The following MANBA variants were observed in gnomAD, a reference collection of about 807,000 sequenced individuals.
MANBA encodes beta-mannosidase.
In MANBA, 83 loss-of-function variants were observed where a neutral mutation model predicts 111.1. The observed-to-expected ratio is 0.75, with a 90% CI of 0.63 to 0.90. MANBA has a LOEUF of 0.90. Among genes scored for constraint, MANBA ranks in the 40% least tolerant of loss-of-function variants. The pLI is 0.00. For synonymous variants in MANBA, 370 were observed against 378.7 expected, an observed-to-expected ratio of 0.98 and a Z score of 0.27; for missense variants, 1,036 against 1,069.0, an observed-to-expected ratio of 0.97 and a Z score of 0.43.
At chr4:102,665,845 G>A (rs530002359) in intron 10 of MANBA, 4 of 152,330 alleles carry the variant, frequency 2.6e-5, no homozygotes, top group Non-Finnish European at 5.9e-5. Flanking sequence ...TGATTACACT[G>A]ATTGCCCCCC....
chr4:102,714,483 A>G lies in MANBA; in HGVS notation c.628T>C (p.Tyr210His), dbSNP rs746145624. 2 of 1,604,438 alleles carry G rather than the reference A, an allele frequency of 1.2e-6. No homozygotes were observed. Among genetic ancestry groups the G allele is most frequent in the Non-Finnish European group, 8.5e-7 (1 of 1,171,350 alleles). Residue 210 changes from tyrosine (Y) to histidine (H), a missense_variant, in exon 5 of 17, where the codon TAT becomes CAT. Coordinates refer to ENST00000647097, the MANE Select transcript of MANBA (RefSeq NM_005908.4). ...GIWKDVRIEAYNICHLNYFTF... is the reference protein window; with the variant it reads ...GIWKDVRIEAHNICHLNYFTF... ...AAGTAGTTCAGGTGACAAATATTATAGGCTTCAATTCTAACATCTTTCCAG... is the reference window on the plus strand; with the variant it reads ...AAGTAGTTCAGGTGACAAATATTATGGGCTTCAATTCTAACATCTTTCCAG...
intron 4 of MANBA, among the ~76,000 whole-genome samples, chr4:102,715,039 G>GC (rs1466408966): frequency 6.6e-6 from 1 of 152,120 alleles, no homozygotes; most frequent in Non-Finnish European, 1.5e-5. Context: ...AACTGTGTGT[G>GC]CCCCCCAACC....
intron 1 of MANBA, among the ~76,000 whole-genome samples, chr4:102,758,455 A>G (rs1164043121): frequency 6.6e-6 from 1 of 152,232 alleles, no homozygotes; most frequent in East Asian, 1.9e-4. Flanking sequence ...GTCAACACCA[A>G]AAAGGGATGT....
intron 1 of MANBA, among the ~76,000 whole-genome samples, chr4:102,755,289 C>T (rs1266053868): frequency 6.6e-6 from 1 of 152,128 alleles, no homozygotes; most frequent in Non-Finnish European, 1.5e-5. Flanking sequence ...ACCAATGGAA[C>T]AGAACAGAGC....
rs75642702 is a variant in MANBA, at chr4:102,689,439, C to A, written c.960+135G>T. 1.8e-3 allele frequency: 996 copies of A among 563,330 alleles called. 18 individuals carry two copies. The East Asian group carries it at 0.029, about 16-fold the overall frequency. 34.9% of individuals were successfully genotyped at this position (563,330 alleles called of 1,614,324 possible). A position where few individuals can be genotyped will look rare whatever the true frequency, so the allele number is the denominator to read the frequency against. ...ACACAGAGAGAGAAGCTTTTGAATGCTGTTACTAAAGATGATCTCTGATGG... is the reference window on the plus strand; with the variant it reads ...ACACAGAGAGAGAAGCTTTTGAATGATGTTACTAAAGATGATCTCTGATGG... On this transcript the variant is annotated intron_variant, in intron 7 of 16. Transcript: ENST00000647097.
chr4:102,649,191 T>C (rs896504496), intron 13 of MANBA, among the ~76,000 whole-genome samples: 1 of 152,190 alleles, frequency 6.6e-6, no homozygotes, highest in Non-Finnish European at 1.5e-5. Flanking sequence ...TTTGGGGCTA[T>C]TGTGAATAAT....
chr4:102,730,867 C>T (rs1466525826), intron 1 of MANBA: 1 of 346,302 alleles, frequency 2.9e-6, no homozygotes, highest in Non-Finnish European at 5.7e-6. Flanking sequence ...AACAGCCTAC[C>T]CGCTTCCCGT....
chr4:102,638,013 C>G (rs1002129604), intron 14 of MANBA, among the ~76,000 whole-genome samples: 2 of 152,190 alleles, frequency 1.3e-5, no homozygotes, highest in Non-Finnish European at 2.9e-5. Flanking sequence ...TTGGAGGGCA[C>G]TCGCATGGTG....
At position 102,727,389 on chromosome 4, in the gene MANBA, C is replaced by A. The variant is rs1343921693; in HGVS notation, c.178-706G>T. The stretch of plus-strand genomic sequence containing the variant: ...GGACATCTTTACTTCTTGCTGCTCA[C>A]TGATGAATCAGGAGGCCTGTCCTGG... On this transcript the variant is annotated intron_variant, in intron 1 of 16. Coordinates refer to ENST00000647097, the MANE Select transcript of MANBA (RefSeq NM_005908.4). The A allele has an allele frequency of 1.8e-5, 15 of 854,336 alleles. No homozygotes were observed. In the Admixed American group the frequency reaches 2.6e-4, roughly 15 times the overall value. 52.9% of individuals were successfully genotyped at this position (854,336 alleles called of 1,614,324 possible).
At chr4:102,725,423 T>G (rs576343800) in intron 2 of MANBA, among the ~76,000 whole-genome samples, 1 of 152,100 alleles carries the variant, frequency 6.6e-6, no homozygotes, top group South Asian at 2.1e-4. Context: ...TCGACTCATA[T>G]GTGTAATTTG....
chr4:102,642,788 C>G (rs939952947), intron 13 of MANBA, among the ~76,000 whole-genome samples: 1 of 152,114 alleles, frequency 6.6e-6, no homozygotes, highest in Non-Finnish European at 1.5e-5. Flanking sequence ...ACCAATATCC[C>G]TTTCCTCCAG....
chr4:102,728,267 T>C (rs1289997653), intron 1 of MANBA: 33 of 536,334 alleles, frequency 6.2e-5, no homozygotes, highest in Non-Finnish European at 1.2e-4. Flanking sequence ...GGCACCCTGT[T>C]CCTTCCTGTT....
intron 10 of MANBA, 189 bp downstream of exon 10, chr4:102,668,774 G>A (rs1731343560): frequency 3.4e-6 from 2 of 583,166 alleles, no homozygotes; most frequent in Admixed American, 5.3e-5. Context: ...AAATCTGGGA[G>A]TCATCAGCCA....
At chr4:102,697,746 C>G (rs906194049) in intron 5 of MANBA, among the ~76,000 whole-genome samples, 2 of 151,080 alleles carry the variant, frequency 1.3e-5, no homozygotes, top group Non-Finnish European at 3.0e-5. Context: ...TTTTCTTAAT[C>G]CAGTCTATCA....
chr4:102,713,896 CAAAAAAAA>C (rs987115592), intron 5 of MANBA, among the ~76,000 whole-genome samples: 1 of 68,438 alleles, frequency 1.5e-5, no homozygotes, highest in East Asian at 4.3e-4. Flanking sequence ...AACTCCATCT[CAAAAAAAA>C]AAAAAAAAAA....
intron 3 of MANBA, among the ~76,000 whole-genome samples, chr4:102,723,595 G>A (rs1310662357): frequency 6.6e-6 from 1 of 152,182 alleles, no homozygotes; most frequent in Non-Finnish European, 1.5e-5. Flanking sequence ...GGAGGGATTG[G>A]CATGTTTTGA....
At position 102,690,791 on chromosome 4, in the gene MANBA, AG is replaced by A; in HGVS notation, c.674-21del. 1 of 946,956 alleles carries A rather than the reference AG, an allele frequency of 1.1e-6. No homozygotes were observed. The highest frequency in any genetic ancestry group is 2.1e-5 in the South Asian group (1 of 47,670). The allele number at this position is 946,956 out of a possible 1,614,324, so 58.7% of individuals were successfully genotyped here. A position where few individuals can be genotyped will look rare whatever the true frequency, so the allele number is the denominator to read the frequency against. ...TCTTATCTAAAATATAAAAAGAAAAAGAAATATATATATATATATATAATAT... is the reference window on the plus strand; with the variant it reads ...TCTTATCTAAAATATAAAAAGAAAAAAAATATATATATATATATATAATAT... On this transcript the variant is annotated intron_variant, in intron 5 of 16. Transcript: ENST00000647097.
chr4:102,750,206 A>C (rs187953053), intron 1 of MANBA, among the ~76,000 whole-genome samples: 77 of 152,262 alleles, frequency 5.1e-4, no homozygotes, highest in Admixed American at 3.2e-3. Flanking sequence ...AGTCAGTCAA[A>C]CTTTTAGAAG....
intron 11 of MANBA, among the ~76,000 whole-genome samples, chr4:102,662,417 G>A (rs373409918): frequency 1.5e-3 from 221 of 151,974 alleles, no homozygotes; most frequent in Middle Eastern, 6.8e-3. Flanking sequence ...GTGCATGCCC[G>A]TAATCCCAGC....
Sources: gnomAD v4.1 joint callset for allele counts (sites outside exome capture counted in the v4.1 genomes callset) on GRCh38, gnomAD v4.1.1 for gene constraint, MANE v1.5 for transcripts, NCBI Gene and HGNC (gene_info 2026-07-23, HGNC 2026-07-21) for gene names.